Variants in PSEN1 observed in about 807,000 individuals in gnomAD.
The protein encoded by PSEN1 is presenilin 1.
A neutral mutation model predicts 53.5 loss-of-function variants in PSEN1; 15 were observed. The ratio of observed to expected loss-of-function variants is 0.28; its 90% CI spans 0.19 to 0.43. The LOEUF (loss-of-function observed/expected upper bound fraction) is 0.43, where lower values mean the gene tolerates loss of function less well. PSEN1 is among the 20% of genes least tolerant of loss of function. PSEN1 has a pLI of 1.00. For missense variants in PSEN1, 387 were observed against 571.2 expected, an observed-to-expected ratio of 0.68 and a Z score of 3.29; for synonymous variants, 208 against 209.8, an observed-to-expected ratio of 0.99 and a Z score of 0.08.
chr14:73,186,464 A>G (rs565579294), intron 5 of PSEN1, among the ~76,000 whole-genome samples: 2 of 152,226 alleles, frequency 1.3e-5, no homozygotes, highest in South Asian at 2.1e-4. Flanking sequence ...AAATTGTACT[A>G]TTTTATAAAG....
intron 1 of PSEN1, among the ~76,000 whole-genome samples, chr14:73,140,063 A>G (rs17781788): frequency 0.056 from 8,516 of 152,252 alleles, 324 homozygotes; most frequent in Non-Finnish European, 0.088. Context: ...GAATAATCAT[A>G]TCTCCCTTAT....
intron 5 of PSEN1, among the ~76,000 whole-genome samples, chr14:73,174,912 A>C (rs1328398767): frequency 1.3e-5 from 2 of 152,122 alleles, no homozygotes; most frequent in Non-Finnish European, 2.9e-5. Flanking sequence ...CTGAGTTTCA[A>C]AGTGACCTAC....
rs766834989 is a variant in PSEN1, at chr14:73,211,826, A to G, written c.1013A>G (p.Glu338Gly). The change falls in exon 10 of 12, where the codon GAG becomes GGG. Residue 338 changes from glutamate (E) to glycine (G), a missense_variant. Glu to Gly is a moderately conservative substitution (Grantham distance 98). Coordinates refer to ENST00000324501, the MANE Select transcript of PSEN1 (RefSeq NM_000021.4). The stretch of plus-strand genomic sequence containing the variant: ...GAGAATGATGATGGCGGGTTCAGTG[A>G]GGAATGGGAAGCCCAGAGGGACAGT... ...VAENDDGGFSEEWEAQRDSHL... is the reference protein window; with the variant it reads ...VAENDDGGFSGEWEAQRDSHL... The G allele has an allele frequency of 6.2e-7, 1 of 1,614,124 alleles. No individual in the cohort carries two copies.
intron 5 of PSEN1, among the ~76,000 whole-genome samples, chr14:73,179,724 G>C (rs1209748066): frequency 6.6e-6 from 1 of 152,178 alleles, no homozygotes; most frequent in Non-Finnish European, 1.5e-5. Context: ...CCATTGTCTT[G>C]CTAATGCCCA....
intron 5 of PSEN1, among the ~76,000 whole-genome samples, chr14:73,175,704 G>C (rs1416602221): frequency 6.6e-6 from 1 of 151,982 alleles, no homozygotes; most frequent in Non-Finnish European, 1.5e-5. Context: ...CCCTGATGTT[G>C]GACATTTGTT....
rs1899185223 is a variant in PSEN1 at position 73,201,424 on chromosome 14, G to C, written c.868+3295G>C. ...TTTATAAAGAAGTCAAAGGTAATGA[G>C]GACTAAGTAAAACCATACAGTATTT... On this transcript the variant is annotated intron_variant, in intron 8 of 11. Coordinates refer to ENST00000324501, the MANE Select transcript of PSEN1 (RefSeq NM_000021.4). Among the ~76,000 whole-genome samples the C allele has an allele frequency of 2.0e-5, 3 of 152,160 alleles. No homozygotes were observed. In the South Asian group the frequency reaches 6.2e-4, roughly 31 times the overall value.
chr14:73,162,850 A>G (rs1453923969), intron 3 of PSEN1, among the ~76,000 whole-genome samples: 2 of 152,338 alleles, frequency 1.3e-5, no homozygotes, highest in Non-Finnish European at 2.9e-5. Context: ...TTCACCAAAT[A>G]ACAGTAGTAA....
intron 3 of PSEN1, among the ~76,000 whole-genome samples, chr14:73,148,972 A>C (rs1162924918): frequency 6.6e-6 from 1 of 152,134 alleles, no homozygotes; most frequent in Non-Finnish European, 1.5e-5. Context: ...GAGAAAAAGA[A>C]AGAAAAGAAA....
chr14:73,186,853 G>A lies in PSEN1; in HGVS notation c.481G>A (p.Val161Ile), dbSNP rs1898533490. 3.7e-6 allele frequency: 6 copies of A among 1,608,502 alleles called. No individual in the cohort carries two copies. Among genetic ancestry groups the A allele is most frequent in the Non-Finnish European group, 5.1e-6 (6 of 1,175,000 alleles). Residue 161 changes from valine (V) to isoleucine (I), a missense_variant and splice_region_variant, in exon 6 of 12, where the codon GTC becomes ATC. By Grantham distance (29) the Val-to-Ile change is conservative. Transcript: ENST00000324501. ...VVLYKYRCYK[V>I]IHAWLIISSL... ...TATATTGAAATGCTTTCTTTTCTAG[G>A]TCATCCATGCCTGGCTTATTATATC...
intron 3 of PSEN1, among the ~76,000 whole-genome samples, chr14:73,165,648 T>G (rs2140022902): frequency 6.6e-6 from 1 of 150,734 alleles, no homozygotes; most frequent in East Asian, 2.0e-4. Context: ...CTCAGGAGGC[T>G]GAGGCAGGAG....
chr14:73,200,760 A>G (rs1899146134), intron 8 of PSEN1, among the ~76,000 whole-genome samples: 1 of 151,718 alleles, frequency 6.6e-6, no homozygotes, highest in Non-Finnish European at 1.5e-5. Context: ...CAGTTTCAAG[A>G]AGGAGAGAGG....
intron 1 of PSEN1, among the ~76,000 whole-genome samples, chr14:73,143,224 C>T (rs1338505491): frequency 6.6e-6 from 1 of 152,178 alleles, no homozygotes; most frequent in Non-Finnish European, 1.5e-5. Context: ...GTTCACCAGG[C>T]CTGACTGAAG....
At chr14:73,212,155 G>A (rs1265777329) in intron 10 of PSEN1, among the ~76,000 whole-genome samples, 4 of 116,588 alleles carry the variant, frequency 3.4e-5, no homozygotes, top group African/African-American at 1.3e-4. Context: ...TCTGTCGCCA[G>A]GTTGGAGTGC....
chr14:73,163,870 A>G (rs983929533), intron 3 of PSEN1, among the ~76,000 whole-genome samples: 3 of 152,208 alleles, frequency 2.0e-5, no homozygotes, highest in Non-Finnish European at 4.4e-5. Context: ...TGTTATGAGC[A>G]TGACAAGAAG....
chr14:73,146,151 T>C (rs1161272903), intron 1 of PSEN1: 1 of 151,748 alleles, frequency 6.6e-6, no homozygotes, highest in African/African-American at 2.4e-5. Context: ...TAAGTATAGG[T>C]TAAATTCCCA....
chr14:73,189,988 G>A (rs1898656161), intron 6 of PSEN1: 3 of 154,260 alleles, frequency 1.9e-5, no homozygotes, highest in Non-Finnish European at 2.9e-5. Context: ...CGGGGTGGAG[G>A]GGTCTGATGT....
intron 8 of PSEN1, among the ~76,000 whole-genome samples, chr14:73,199,819 C>T (rs1040909490): frequency 3.9e-5 from 6 of 152,178 alleles, no homozygotes; most frequent in African/African-American, 1.4e-4. Flanking sequence ...GATCTCGGCT[C>T]ACTGCAACCT....
At chr14:73,212,547 A>G (rs1209645632) in intron 10 of PSEN1, among the ~76,000 whole-genome samples, 2 of 152,168 alleles carry the variant, frequency 1.3e-5, no homozygotes, top group Admixed American at 6.5e-5. Flanking sequence ...TTTTATTAAT[A>G]TGTCTCACTC....
At position 73,186,925 on chromosome 14, in the gene PSEN1, GT is replaced by G. The variant is rs1250916661; in HGVS notation, c.548+7del. On this transcript the variant is annotated splice_donor_region_variant and intron_variant, in intron 6 of 11. Coordinates refer to ENST00000324501, the MANE Select transcript of PSEN1 (RefSeq NM_000021.4). ...TTTTTCATTCATTTACTTGGGGTAAGTTGTGAAATTTTTGGTCTGTCTTTCA... is the reference window on the plus strand; with the variant it reads ...TTTTTCATTCATTTACTTGGGGTAAGTGTGAAATTTTTGGTCTGTCTTTCA... 6.2e-7 allele frequency: 1 copy of G among 1,611,144 alleles called. No individual in the cohort carries two copies. The highest frequency in any genetic ancestry group is 1.3e-5 in the African/African-American group (1 of 74,958).
Sources: allele counts gnomAD v4.1 joint callset (sites outside exome capture counted in the v4.1 genomes callset), GRCh38; gene constraint gnomAD v4.1.1; transcripts MANE v1.5; gene names NCBI Gene and HGNC (gene_info 2026-07-23, HGNC 2026-07-21).